RANBP2: variants seen among roughly 807,000 people sequenced by gnomAD.
RANBP2 encodes the protein E3 SUMO-protein ligase RanBP2.
A neutral mutation model predicts 303.6 loss-of-function variants in RANBP2; 57 were observed. The observed-to-expected ratio is 0.19, with a 90% CI of 0.15 to 0.23. The LOEUF (loss-of-function observed/expected upper bound fraction) is 0.23, where lower values mean the gene tolerates loss of function less well. RANBP2 is among the 10% of genes least tolerant of loss of function. The pLI is 1.00. For synonymous variants in RANBP2, 1,167 were observed against 1,301.5 expected, an observed-to-expected ratio of 0.90 and a Z score of 2.23; for missense variants, 3,138 against 3,780.8, an observed-to-expected ratio of 0.83 and a Z score of 4.46.
the RANBP2 span, chr2:109,617,053 G>A: frequency 3.0e-5 from 5 of 166,940 alleles, no homozygotes; most frequent in Admixed American, 2.0e-4. Flanking sequence ...ATTGGCCTAA[G>A]TATTCATGAG....
chr2:108,788,787 C>A, downstream of RANBP2: 1 of 1,596,818 alleles, frequency 6.3e-7, no homozygotes, highest in Admixed American at 1.8e-5. Flanking sequence ...AGACTTATGG[C>A]CAGTGCCAGA....
the RANBP2 span, among the ~76,000 whole-genome samples, chr2:108,910,052 A>T: frequency 2.0e-4 from 30 of 152,254 alleles, no homozygotes; most frequent in African/African-American, 7.2e-4. Context: ...GTTAGCCGTC[A>T]TCACCACGGT....
At chr2:109,020,525 G>A in the RANBP2 span, among the ~76,000 whole-genome samples, 4 of 152,188 alleles carry the variant, frequency 2.6e-5, no homozygotes, top group Admixed American at 6.5e-5. Flanking sequence ...CTTGGCAGGC[G>A]ACCTCTGCCC....
At chr2:109,341,685 CATA>C in the RANBP2 span, among the ~76,000 whole-genome samples, 1 of 152,124 alleles carries the variant, frequency 6.6e-6, no homozygotes, top group South Asian at 2.1e-4. Flanking sequence ...TTGCTCTGGG[CATA>C]ATATTTGATG....
the RANBP2 span, among the ~76,000 whole-genome samples, chr2:109,420,992 C>T: frequency 6.6e-6 from 1 of 152,204 alleles, no homozygotes; most frequent in Admixed American, 6.5e-5. Context: ...CTTCCAGATG[C>T]CTTGAGACTG....
At chr2:108,755,831 C>A (rs775071441) in intron 17 of RANBP2, among the ~76,000 whole-genome samples, 41 of 151,332 alleles carry the variant, frequency 2.7e-4, no homozygotes, top group Admixed American at 1.2e-3. Flanking sequence ...TCAAGCGACT[C>A]TCCTGCCTCA....
At chr2:109,250,600 G>GTAA in the RANBP2 span, among the ~76,000 whole-genome samples, 16 of 151,476 alleles carry the variant, frequency 1.1e-4, no homozygotes, top group African/African-American at 2.7e-4. Context: ...AATAATAACA[G>GTAA]TAATAATAAT....
At chr2:108,908,139 T>C in the RANBP2 span, 1 of 1,176,280 alleles carries the variant, frequency 8.5e-7, no homozygotes, top group Non-Finnish European at 1.2e-6. Context: ...ATGACTTGTT[T>C]TTCAGGTGTT....
the RANBP2 span, chr2:108,923,429 C>T: frequency 5.0e-6 from 8 of 1,614,192 alleles, no homozygotes; most frequent in South Asian, 1.1e-5. Context: ...AGATGTTCCT[C>T]GGTCTGTTCT....
At chr2:109,383,411 G>A in the RANBP2 span, among the ~76,000 whole-genome samples, 1 of 152,166 alleles carries the variant, frequency 6.6e-6, no homozygotes, top group Non-Finnish European at 1.5e-5. Context: ...CTCACCCTTA[G>A]TTCTAAGACT....
chr2:109,678,756 C>T, the RANBP2 span, among the ~76,000 whole-genome samples: 5 of 152,194 alleles, frequency 3.3e-5, no homozygotes, highest in South Asian at 2.1e-4. Flanking sequence ...GGAGAAGGTT[C>T]GCAGGCGGTG....
the RANBP2 span, among the ~76,000 whole-genome samples, chr2:109,113,416 C>G: frequency 6.6e-6 from 1 of 152,112 alleles, no homozygotes; most frequent in East Asian, 1.9e-4. Flanking sequence ...GGAGTTCACT[C>G]ATGATTTGGC....
At chr2:109,167,982 T>G in the RANBP2 span, among the ~76,000 whole-genome samples, 1 of 152,308 alleles carries the variant, frequency 6.6e-6, no homozygotes, top group East Asian at 1.9e-4. Flanking sequence ...ATGTTGAACA[T>G]AGTGATACAA....
At chr2:108,925,394 C>A in the RANBP2 span, among the ~76,000 whole-genome samples, 7 of 152,216 alleles carry the variant, frequency 4.6e-5, no homozygotes, top group African/African-American at 1.7e-4. Flanking sequence ...CAAGGCTACA[C>A]GGCGGATGCA....
chr2:109,698,455 G>C, the RANBP2 span, among the ~76,000 whole-genome samples: 24 of 142,532 alleles, frequency 1.7e-4, no homozygotes, highest in South Asian at 5.3e-3. Flanking sequence ...GACAGAGTGA[G>C]ACCCCATTTC....
At chr2:108,763,187 C>G (rs750196726) in intron 19 of RANBP2, 50 bp from the exon 20 acceptor site, 11 of 1,584,168 alleles carry the variant, frequency 6.9e-6, no homozygotes, top group Non-Finnish European at 9.5e-6. Context: ...ATTTAGTTAT[C>G]TGTAGTTTTG....
the RANBP2 span, among the ~76,000 whole-genome samples, chr2:109,062,328 A>C: frequency 6.6e-6 from 1 of 152,342 alleles, no homozygotes; most frequent in South Asian, 2.1e-4. Context: ...AATTTCCTGC[A>C]TCAGCGACAG....
chr2:108,897,502 A>G, the RANBP2 span, among the ~76,000 whole-genome samples: 6 of 152,126 alleles, frequency 3.9e-5, no homozygotes, highest in Non-Finnish European at 8.8e-5. Context: ...AATGATAATA[A>G]TTCCCTCATG....
intron 1 of RANBP2, among the ~76,000 whole-genome samples, chr2:108,728,001 C>T (rs1012642547): frequency 3.3e-5 from 5 of 152,112 alleles, no homozygotes; most frequent in Non-Finnish European, 7.4e-5. Flanking sequence ...TTATTTCTGC[C>T]TTTTTGACTC....
Sources: gnomAD v4.1 joint callset for allele counts (sites outside exome capture counted in the v4.1 genomes callset) on GRCh38, gnomAD v4.1.1 for gene constraint, MANE v1.5 for transcripts, NCBI Gene and HGNC (gene_info 2026-07-23, HGNC 2026-07-21) for gene names.